The following ARHGAP45 variants were observed in gnomAD, a reference collection of about 807,000 sequenced individuals.
The protein encoded by ARHGAP45 is rho GTPase-activating protein 45.
In ARHGAP45, 56 loss-of-function variants were observed where a neutral mutation model predicts 116.1. The ratio of observed to expected loss-of-function variants is 0.48; its 90% CI spans 0.39 to 0.60. The LOEUF is 0.60. Among genes scored for constraint, ARHGAP45 ranks in the 20% least tolerant of loss-of-function variants. The pLI is 0.00. For synonymous variants in ARHGAP45, 866 were observed against 701.7 expected, an observed-to-expected ratio of 1.23 and a Z score of -3.70; for missense variants, 1,622 against 1,601.0, an observed-to-expected ratio of 1.01 and a Z score of -0.22.
chr19:1,080,834 G>C, intron 16 of ARHGAP45, 48 bp downstream of exon 16: 1 of 1,609,364 alleles, frequency 6.2e-7, no homozygotes. Flanking sequence ...TTTGGACACA[G>C]TCCATGGGCC....
At position 1,079,945 on chromosome 19, in the gene ARHGAP45, C is replaced by T. The variant is rs2043380493; in HGVS notation, c.1530C>T (p.Tyr510=). ...GCCCGCAGGCCACGATCTCCTACTA[C>T]CAGATGATGCATATGCAGACGGCGC... ...QTIKSATISY[Y]QMMHMQTAPL... The change falls in exon 13 of 23, where the codon TAC becomes TAT. Residue 510 remains tyrosine, a synonymous_variant. Coordinates refer to ENST00000313093, the MANE Select transcript of ARHGAP45 (RefSeq NM_012292.5). 3 of 1,611,310 alleles carry T rather than the reference C, an allele frequency of 1.9e-6. No individual in the cohort carries two copies. Among genetic ancestry groups the T allele is most frequent in the East Asian group, 2.2e-5 (1 of 44,822 alleles).
At position 1,085,986 on chromosome 19, in the gene ARHGAP45, A is replaced by G. The variant is rs941330235; in HGVS notation, c.3391A>G (p.Arg1131Gly). The G allele has an allele frequency of 1.2e-6, 2 of 1,612,286 alleles. No homozygotes were observed. Among genetic ancestry groups the G allele is most frequent in the African/African-American group, 1.3e-5 (1 of 74,920 alleles). The change falls in exon 23 of 23, where the codon AGG (arginine) becomes GGG (glycine). Residue 1131 changes from arginine to glycine, a missense_variant. Arg to Gly is a moderately radical substitution (Grantham distance 125). Transcript: ENST00000313093. ...GRMTLGSCRE[R>G]QPEFV is the part of the protein sequence containing the mutation. Reference sequence around the variant, plus strand: ...GATGACACTGGGCTCCTGCAGGGAAAGGCAGCCGGAATTCGTGTGAGCTGG... The same window carrying G: ...GATGACACTGGGCTCCTGCAGGGAAGGGCAGCCGGAATTCGTGTGAGCTGG...
chr19:1,072,391 C>G (rs984544601), intron 2 of ARHGAP45, among the ~76,000 whole-genome samples: 1 of 152,142 alleles, frequency 6.6e-6, no homozygotes, highest in South Asian at 2.1e-4. Flanking sequence ...CAATTGAGAA[C>G]GTTCGATGAG....
chr19:1,080,503 C>T lies in ARHGAP45; in HGVS notation c.1868C>T (p.Ser623Leu). The change falls in exon 15 of 23, where the codon TCG becomes TTG. Residue 623 changes from serine (S) to leucine (L), a missense_variant. By Grantham distance (145) the Ser-to-Leu change is moderately radical. Transcript: ENST00000313093. ...GHQVHKSWPL[S>L]ISDSDSGLDP... Reference sequence around the variant, plus strand: ...CAGGTTCACAAGTCATGGCCGCTCTCGATCTCAGACTCGGACAGTGGGCTG... The same window carrying T: ...CAGGTTCACAAGTCATGGCCGCTCTTGATCTCAGACTCGGACAGTGGGCTG... The T allele has an allele frequency of 6.2e-7, 1 of 1,612,966 alleles. No individual in the cohort carries two copies. Among genetic ancestry groups the T allele is most frequent in the Non-Finnish European group, 8.5e-7 (1 of 1,179,980 alleles).
chr19:1,079,794 G>A lies in ARHGAP45; in HGVS notation c.1466G>A (p.Arg489Gln). The A allele has an allele frequency of 1.2e-6, 2 of 1,610,904 alleles. No homozygotes were observed. The highest frequency in any genetic ancestry group is 1.7e-6 in the Non-Finnish European group (2 of 1,178,328). ...ELEDTKVTALRQIQEVIRQSD... is the reference protein window; with the variant it reads ...ELEDTKVTALQQIQEVIRQSD... ...GAGGATACCAAGGTGACGGCGCTGC[G>A]GCAGATCCAGGAGGTCATCCGGCAG... Residue 489 changes from arginine to glutamine, a missense_variant, in exon 12 of 23, where the codon CGG (arginine) becomes CAG (glutamine). Physicochemically the swap from Arg to Gln is conservative, Grantham distance 43. Coordinates refer to ENST00000313093, the MANE Select transcript of ARHGAP45 (RefSeq NM_012292.5).
At position 1,073,591 on chromosome 19, in the gene ARHGAP45, G is replaced by A. The variant is rs1206577945; in HGVS notation, c.650+1G>A. The stretch of plus-strand genomic sequence containing the variant: ...CGATTGCTGTGGCCTTCAGTAGCAC[G>A]TGAGCACGGGAGCCTGTGGGGCAGG... On this transcript the variant is annotated splice_donor_variant, in intron 4 of 22. Transcript: ENST00000313093. LOFTEE classifies it high-confidence loss of function. 1.2e-6 allele frequency: 2 copies of A among 1,613,796 alleles called. No homozygotes were observed. The highest frequency in any genetic ancestry group is 1.7e-6 in the Non-Finnish European group (2 of 1,179,848).
In ARHGAP45 at chr19:1,069,982, T is replaced by A. The variant is rs1395227523; in HGVS notation, c.421+1238T>A. 6.6e-6 allele frequency among the ~76,000 whole-genome samples: 1 copy of A among 151,814 alleles called. No homozygotes were observed. The highest frequency in any genetic ancestry group is 1.5e-5 in the Non-Finnish European group (1 of 67,970). On this transcript the variant is annotated intron_variant, in intron 2 of 22. Transcript: ENST00000313093. This position sits in a 1 kb window ranked among gnomAD's most constrained non-coding sequence, Gnocchi z 4.1. The stretch of plus-strand genomic sequence containing the variant: ...CAGGCATGAGCCACTGCACCTGATT[T>A]ATTTTATTTTATTTATTTTATTTGA...
intron 10 of ARHGAP45, chr19:1,077,561 T>A (rs902786722): frequency 8.6e-7 from 1 of 1,158,444 alleles, no homozygotes; most frequent in Non-Finnish European, 1.2e-6. Flanking sequence ...TTGTTTTAAA[T>A]TTTGGGTAGA....
At chr19:1,067,065 C>T (rs999864561), upstream of ARHGAP45, 2 of 657,626 alleles carry the variant, frequency 3.0e-6, no homozygotes, top group Admixed American at 5.8e-5. Flanking sequence ...CAGGGGCTCC[C>T]GGTCCCACCC....
chr19:1,082,875 C>A lies in ARHGAP45; in HGVS notation c.2553C>A (p.His851Gln), dbSNP rs370530787. Residue 851 changes from histidine (H) to glutamine (Q), a missense_variant, in exon 20 of 23, where the codon CAC (histidine) becomes CAA (glutamine). By Grantham distance (24) the His-to-Gln change is conservative. Transcript: ENST00000313093. ...PEPLISFRLY[H>Q]ELVGLAKDSL... ...CGCTCATCTCCTTCCGCCTCTACCA[C>A]GAGCTCGTAGGGCTGGCCAAGGACA... 3 of 1,570,854 alleles carry A rather than the reference C, an allele frequency of 1.9e-6. No individual in the cohort carries two copies. Among genetic ancestry groups the A allele is most frequent in the Non-Finnish European group, 2.6e-6 (3 of 1,158,262 alleles).
intron 22 of ARHGAP45, among the ~76,000 whole-genome samples, 165 bp downstream of exon 22, chr19:1,084,511 G>A (rs2043542829): frequency 6.6e-6 from 1 of 152,168 alleles, no homozygotes; most frequent in African/African-American, 2.4e-5. Context: ...CTCATTCAGT[G>A]TCCTTTAACC....
intron 1 of ARHGAP45, 147 bp downstream of exon 1, chr19:1,067,642 C>T (rs1555704944): frequency 2.5e-6 from 2 of 803,490 alleles, no homozygotes; most frequent in Non-Finnish European, 4.2e-6. Flanking sequence ...GGGGCCACAG[C>T]AGAGAGGCCG....
chr19:1,081,854 C>G lies in ARHGAP45; in HGVS notation c.2410C>G (p.Arg804Gly). ...CTACCGGGTCAATGGGGTAAAGACA[C>G]GCGTGGAGAAGCTGTGCCAGGCCTT... is the stretch of plus-strand genomic sequence containing the variant. ...GIYRVNGVKT[R>G]VEKLCQAFEN... is the part of the protein sequence containing the mutation. Residue 804 changes from arginine to glycine, a missense_variant, in exon 19 of 23, where the codon CGC becomes GGC. By Grantham distance (125) the Arg-to-Gly change is moderately radical. Coordinates refer to ENST00000313093, the MANE Select transcript of ARHGAP45 (RefSeq NM_012292.5). 2.5e-6 allele frequency: 4 copies of G among 1,612,306 alleles called. No homozygotes were observed. Among genetic ancestry groups the G allele is most frequent in the Non-Finnish European group, 3.4e-6 (4 of 1,179,592 alleles).
Position 1,082,951 on chromosome 19 carries a change from G to T in ARHGAP45, c.2629G>T (p.Gly877Cys). ...AKAASRGRQD[G>C]SESEAVAVAL... ...GGCGGCGTCCCGGGGCCGGCAGGAC[G>T]GCTCGGAGAGCGAGGCAGTGGCGGT... The change falls in exon 20 of 23, where the codon GGC becomes TGC. Residue 877 changes from glycine (G) to cysteine (C), a missense_variant. Gly to Cys is a radical substitution (Grantham distance 159, BLOSUM62 -3). This residue lies in a region of ARHGAP45 where 1,334 missense variants were observed against 1,263.8 expected (regional missense o/e 1.06). Coordinates refer to ENST00000313093, the MANE Select transcript of ARHGAP45 (RefSeq NM_012292.5). 1 of 1,573,006 alleles carries T rather than the reference G, an allele frequency of 6.4e-7. No individual in the cohort carries two copies. The highest frequency in any genetic ancestry group is 2.3e-5 in the East Asian group (1 of 43,610).
intron 2 of ARHGAP45, 134 bp from the exon 3 acceptor site, chr19:1,073,015 C>G (rs564983089): frequency 9.2e-7 from 1 of 1,085,258 alleles, no homozygotes; most frequent in Non-Finnish European, 1.3e-6. Flanking sequence ...GAAATGAGCC[C>G]CAGGCATCTG....
chr19:1,069,656 G>A lies in ARHGAP45; in HGVS notation c.421+912G>A, dbSNP rs1413719886. Among the ~76,000 whole-genome samples the A allele has an allele frequency of 6.6e-6, 1 of 152,158 alleles. No homozygotes were observed. Among genetic ancestry groups the A allele is most frequent in the African/African-American group, 2.4e-5 (1 of 41,444 alleles). Reference sequence around the variant, plus strand: ...CCACTGGGAGGAGTGGGAGCCCCCGGGTTATCTGGTCCCAGGGGCGGGGGC... The same window carrying A: ...CCACTGGGAGGAGTGGGAGCCCCCGAGTTATCTGGTCCCAGGGGCGGGGGC... On this transcript the variant is annotated intron_variant, in intron 2 of 22. Transcript: ENST00000313093. This position sits in a 1 kb window ranked among gnomAD's most constrained non-coding sequence, Gnocchi z 4.1.
At position 1,081,887 on chromosome 19, in the gene ARHGAP45, G is replaced by A. The variant is rs1239799682; in HGVS notation, c.2443G>A (p.Gly815Ser). The A allele has an allele frequency of 6.2e-7, 1 of 1,613,094 alleles. No individual in the cohort carries two copies. The highest frequency in any genetic ancestry group is 8.5e-7 in the Non-Finnish European group (1 of 1,179,910). ...GAAGCTGTGCCAGGCCTTCGAGAAC[G>A]GCAAGGAGCTGGTCGAGCTGTCGCA... is the stretch of plus-strand genomic sequence containing the variant. ...VEKLCQAFENGKELVELSQAS... is the reference protein window; with the variant it reads ...VEKLCQAFENSKELVELSQAS... Residue 815 changes from glycine (G) to serine (S), a missense_variant, in exon 19 of 23, where the codon GGC (glycine) becomes AGC (serine). This residue lies in a region of ARHGAP45 where 1,334 missense variants were observed against 1,263.8 expected (regional missense o/e 1.06). Coordinates refer to ENST00000313093, the MANE Select transcript of ARHGAP45 (RefSeq NM_012292.5).
In ARHGAP45 at chr19:1,085,638, G is replaced by C. The variant is rs376398410; in HGVS notation, c.3065-22G>C. On this transcript the variant is annotated intron_variant, in intron 22 of 22. Transcript: ENST00000313093. ...CCATCTCTCCTGTCTGTCTCCCCCC[G>C]CCATCTGTCTCCCTTTCTTAGAATC... 3 of 1,479,162 alleles carry C rather than the reference G, an allele frequency of 2.0e-6. 1 individual carries two copies. The South Asian group carries it at 4.0e-5, about 20-fold the overall frequency. 91.6% of individuals were successfully genotyped at this position (1,479,162 alleles called of 1,614,324 possible). A position where few individuals can be genotyped will look rare whatever the true frequency, so the allele number is the denominator to read the frequency against.
In ARHGAP45 at chr19:1,068,393, C is replaced by T; in HGVS notation, c.91-21C>T. On this transcript the variant is annotated intron_variant, in intron 1 of 22. Coordinates refer to ENST00000313093, the MANE Select transcript of ARHGAP45 (RefSeq NM_012292.5). This position sits in a 1 kb window ranked among gnomAD's most constrained non-coding sequence, Gnocchi z 7.5. ...CAGGCCGGAAAATCCCTTTAACGAG[C>T]TCCCCTCGGACCTGCCCAAGGAGCT... The T allele has an allele frequency of 6.7e-7, 1 of 1,496,230 alleles. No individual in the cohort carries two copies. Among genetic ancestry groups the T allele is most frequent in the Non-Finnish European group, 8.9e-7 (1 of 1,119,524 alleles). 92.7% of individuals were successfully genotyped at this position (1,496,230 alleles called of 1,614,324 possible).
Sources: allele counts gnomAD v4.1 joint callset (sites outside exome capture counted in the v4.1 genomes callset), GRCh38; gene constraint gnomAD v4.1.1; regional missense constraint gnomAD v4.1.1; non-coding constraint Gnocchi (gnomAD v3.1); transcripts MANE v1.5; gene names NCBI Gene and HGNC (gene_info 2026-07-23, HGNC 2026-07-21).